SOX6: variants seen among roughly 807,000 people sequenced by gnomAD.
SOX6 encodes the protein transcription factor SOX-6.
Under a neutral mutation model 97.8 loss-of-function variants are expected in SOX6, and 11 were observed. The ratio of observed to expected loss-of-function variants is 0.11; its 90% confidence interval spans 0.07 to 0.19. SOX6 has a LOEUF of 0.19. SOX6 is among the 10% of genes least tolerant of loss of function. The pLI is 1.00. For synonymous variants in SOX6, 360 were observed against 371.4 expected, an observed-to-expected ratio of 0.97 and a Z score of 0.35; for missense variants, 810 against 1,039.5, an observed-to-expected ratio of 0.78 and a Z score of 3.04.
At chr11:16,439,376 A>C (rs1389039529) in intron 1 of SOX6, among the ~76,000 whole-genome samples, 1 of 152,210 alleles carries the variant, frequency 6.6e-6, no homozygotes, top group African/African-American at 2.4e-5. Context: ...CACAATAAAT[A>C]GCCAATGTGT....
chr11:16,444,524 C>G (rs915166201), intron 1 of SOX6, among the ~76,000 whole-genome samples: 9 of 152,118 alleles, frequency 5.9e-5, no homozygotes, highest in Admixed American at 1.3e-4. Context: ...AAAATGTTAA[C>G]CTTTACATAA....
At chr11:16,248,070 A>T (rs1853392592) in intron 3 of SOX6, among the ~76,000 whole-genome samples, 1 of 152,230 alleles carries the variant, frequency 6.6e-6, no homozygotes, top group Admixed American at 6.5e-5. Context: ...CTGAAATCCA[A>T]TAAGGCAGTC....
chr11:16,134,910 G>T (rs1193906176), intron 6 of SOX6, among the ~76,000 whole-genome samples: 1 of 152,192 alleles, frequency 6.6e-6, no homozygotes, highest in Non-Finnish European at 1.5e-5. Flanking sequence ...CTAGAGAGAA[G>T]AAGTCAATGC....
At chr11:15,997,267 C>A (rs919561623) in intron 13 of SOX6, among the ~76,000 whole-genome samples, 1 of 152,028 alleles carries the variant, frequency 6.6e-6, no homozygotes, top group Non-Finnish European at 1.5e-5. Flanking sequence ...AAAATTGAAG[C>A]CCCGAATGGT....
intron 4 of SOX6, among the ~76,000 whole-genome samples, chr11:16,230,908 T>G (rs1407714020): frequency 6.6e-6 from 1 of 151,688 alleles, no homozygotes; most frequent in Non-Finnish European, 1.5e-5. Context: ...AATCAGAGTG[T>G]AATAAAAGAT....
chr11:16,679,581 A>T (rs755613108), intron 3 of SOX6, among the ~76,000 whole-genome samples: 4 of 152,218 alleles, frequency 2.6e-5, no homozygotes, highest in Non-Finnish European at 5.9e-5. Context: ...GCAGCTCTTC[A>T]CCAGCAAGGG....
At chr11:16,483,804 CTG>C (rs1264095607) in intron 4 of SOX6, among the ~76,000 whole-genome samples, 1 of 152,220 alleles carries the variant, frequency 6.6e-6, no homozygotes, top group Non-Finnish European at 1.5e-5. Context: ...CCTCCAGTTC[CTG>C]TTGTAGTTGA....
chr11:16,105,613 TGAAA>T (rs1355835302), intron 7 of SOX6, among the ~76,000 whole-genome samples: 1 of 152,090 alleles, frequency 6.6e-6, no homozygotes, highest in Non-Finnish European at 1.5e-5. Context: ...TATTCAATGG[TGAAA>T]GACTGAAAGC....
intron 4 of SOX6, among the ~76,000 whole-genome samples, chr11:16,527,035 AG>A (rs1861178144): frequency 6.6e-6 from 1 of 152,244 alleles, no homozygotes; most frequent in South Asian, 2.1e-4. Context: ...CCCAATCCAA[AG>A]AAGAAGCTCC....
At chr11:16,217,604 T>C (rs975968026) in intron 4 of SOX6, among the ~76,000 whole-genome samples, 14 of 152,162 alleles carry the variant, frequency 9.2e-5, no homozygotes, top group African/African-American at 3.4e-4. Context: ...AGTAACCATA[T>C]AGTTTCTAGC....
At chr11:16,452,901 C>T (rs1859745293) in intron 1 of SOX6, among the ~76,000 whole-genome samples, 2 of 152,272 alleles carry the variant, frequency 1.3e-5, no homozygotes, top group Middle Eastern at 3.4e-3. Flanking sequence ...GAATCATCCC[C>T]TCTGGCTCAC....
chr11:16,392,930 T>C (rs1858229640), intron 1 of SOX6, among the ~76,000 whole-genome samples: 1 of 152,124 alleles, frequency 6.6e-6, no homozygotes, highest in South Asian at 2.1e-4. Flanking sequence ...TCTCATAAAC[T>C]TTAATATTGA....
At chr11:15,983,278 C>T (rs1003147435) in intron 15 of SOX6, among the ~76,000 whole-genome samples, 12 of 151,940 alleles carry the variant, frequency 7.9e-5, no homozygotes, top group South Asian at 2.1e-4. Flanking sequence ...ACTTACTCTG[C>T]GAACTGAAGA....
chr11:16,667,055 C>G (rs577514401), intron 3 of SOX6, among the ~76,000 whole-genome samples: 1 of 129,296 alleles, frequency 7.7e-6, no homozygotes, highest in Non-Finnish European at 1.6e-5. Flanking sequence ...CCCATCTCTA[C>G]CAAAAAATTA....
intron 3 of SOX6, chr11:16,311,539 A>G (rs1855602745): frequency 6.6e-6 from 1 of 152,140 alleles, no homozygotes; most frequent in Admixed American, 6.6e-5. Flanking sequence ...CTAATTATTC[A>G]TCTTCATGAA....
chr11:16,151,488 C>T (rs546965850), intron 6 of SOX6, among the ~76,000 whole-genome samples: 2 of 152,112 alleles, frequency 1.3e-5, no homozygotes, highest in Non-Finnish European at 2.9e-5. Context: ...CCTGCAGACA[C>T]CATTTTTCTG....
intron 3 of SOX6, among the ~76,000 whole-genome samples, chr11:16,638,017 A>G (rs558980044): frequency 2.5e-4 from 37 of 149,630 alleles, no homozygotes; most frequent in African/African-American, 8.8e-4. Flanking sequence ...CACCCATTAA[A>G]TCGTCATTTA....
chr11:16,627,243 T>C (rs1186755453), intron 3 of SOX6, among the ~76,000 whole-genome samples: 1 of 152,226 alleles, frequency 6.6e-6, no homozygotes, highest in East Asian at 1.9e-4. Flanking sequence ...CCTAGATTGG[T>C]TACATGTCTT....
intron 4 of SOX6, among the ~76,000 whole-genome samples, chr11:16,556,284 C>T (rs1847747777): frequency 6.6e-6 from 1 of 151,642 alleles, no homozygotes; most frequent in African/African-American, 2.4e-5. Context: ...ACAACACTCT[C>T]AGTAAAATCT....
Sources: allele counts gnomAD v4.1 joint callset (sites outside exome capture counted in the v4.1 genomes callset), GRCh38; gene constraint gnomAD v4.1.1; transcripts MANE v1.5; gene names NCBI Gene and HGNC (gene_info 2026-07-23, HGNC 2026-07-21).